The following STK10 variants were observed in gnomAD, a reference collection of about 807,000 sequenced individuals.
STK10 encodes the protein serine/threonine kinase 10.
Under a neutral mutation model 113.8 loss-of-function variants are expected in STK10, and 78 were observed. The observed-to-expected ratio is 0.69, with a 90% CI of 0.57 to 0.83. The LOEUF (loss-of-function observed/expected upper bound fraction) is 0.83. Ranked by LOEUF, STK10 falls within the 40% of genes least tolerant of loss-of-function variation. The probability of loss-of-function intolerance (pLI) is 0.00; values close to 1 mark genes in which losing one functional copy is unlikely to be tolerated. For missense variants in STK10, 1,109 were observed against 1,280.1 expected, an observed-to-expected ratio of 0.87 and a Z score of 2.04; for synonymous variants, 465 against 494.7, an observed-to-expected ratio of 0.94 and a Z score of 0.80.
intron 1 of STK10, among the ~76,000 whole-genome samples, chr5:172,176,634 A>T (rs1286128574): frequency 6.6e-6 from 1 of 152,120 alleles, no homozygotes. Flanking sequence ...CTAATGTTAC[A>T]TGGGCTGACC....
intron 7 of STK10, among the ~76,000 whole-genome samples, chr5:172,099,952 TAGG>T (rs1768945210): frequency 6.6e-6 from 1 of 152,034 alleles, no homozygotes; most frequent in African/African-American, 2.4e-5. Flanking sequence ...CCAGCGTCCT[TAGG>T]AGGAGGAAGG....
chr5:172,147,739 C>T (rs573595170), intron 2 of STK10, among the ~76,000 whole-genome samples: 68 of 152,262 alleles, frequency 4.5e-4, no homozygotes, highest in Admixed American at 1.7e-3. Context: ...CTATAAGACC[C>T]CTCTGGAATC....
intron 13 of STK10, chr5:172,063,396 G>C (rs940074745): frequency 1.3e-5 from 2 of 152,102 alleles, no homozygotes; most frequent in African/African-American, 4.8e-5. Flanking sequence ...AAACAACAGG[G>C]TGTCTCTAGG....
At position 172,082,415 on chromosome 5, in the gene STK10, G is replaced by C. The variant is rs761809175; in HGVS notation, c.1900C>G (p.Arg634Gly). 2 of 1,610,802 alleles carry C rather than the reference G, an allele frequency of 1.2e-6. No individual in the cohort carries two copies. The highest frequency in any genetic ancestry group is 1.7e-6 in the Non-Finnish European group (2 of 1,178,574). Residue 634 changes from arginine (R) to glycine (G), a missense_variant, in exon 12 of 19, where the codon CGC becomes GGC. Physicochemically the swap from Arg to Gly is moderately radical, Grantham distance 125. Coordinates refer to ENST00000176763, the MANE Select transcript of STK10 (RefSeq NM_005990.4). The surrounding 1 kb of genome is among the most constrained non-coding windows in gnomAD (Gnocchi z 4.3). ...VEKMEQDHAV[R>G]RREEARRIRL... ...ATCCGCCTGGCCTCCTCCCGGCGGC[G>C]CACGGCATGGTCTTGCTCCATCTTC...
intron 15 of STK10, 158 bp downstream of exon 15, chr5:172,057,191 G>T: frequency 9.7e-7 from 1 of 1,035,416 alleles, no homozygotes; most frequent in Non-Finnish European, 1.4e-6. Context: ...CGCCCCTGGA[G>T]AACCTCCTGG....
intron 7 of STK10, among the ~76,000 whole-genome samples, chr5:172,100,713 G>A (rs1191461700): frequency 6.6e-6 from 1 of 152,116 alleles, no homozygotes; most frequent in Non-Finnish European, 1.5e-5. Flanking sequence ...CTTGAACCCA[G>A]GAGGCGGAGA....
rs576346631 is a variant in STK10, at chr5:172,082,983, T to C, written c.1787A>G (p.Lys596Arg). 6.2e-7 allele frequency: 1 copy of C among 1,613,752 alleles called. No individual in the cohort carries two copies. ...CACGTTGATTTCCTGTTCAAAACGT[T>C]TATGCATTTGCTCCAGCTGCAGCTC... ...KHELQLEQMHKRFEQEINAKK... is the reference protein window; with the variant it reads ...KHELQLEQMHRRFEQEINAKK... Residue 596 changes from lysine (K) to arginine (R), a missense_variant, in exon 11 of 19, where the codon AAA becomes AGA. Physicochemically the swap from Lys to Arg is conservative, Grantham distance 26 (BLOSUM62 2). Coordinates refer to ENST00000176763, the MANE Select transcript of STK10 (RefSeq NM_005990.4). This position sits in a 1 kb window ranked among gnomAD's most constrained non-coding sequence, Gnocchi z 4.3.
At chr5:172,165,189 A>C (rs983210495) in intron 1 of STK10, among the ~76,000 whole-genome samples, 8 of 150,102 alleles carry the variant, frequency 5.3e-5, no homozygotes, top group African/African-American at 1.7e-4. Flanking sequence ...CTGCCCACTG[A>C]TCAGTGTGTT....
chr5:172,137,451 T>TA (rs372964251), intron 2 of STK10, among the ~76,000 whole-genome samples: 26 of 149,764 alleles, frequency 1.7e-4, no homozygotes, highest in South Asian at 1.3e-3. Context: ...TGAAAGGAGA[T>TA]AAAAAAAAAC....
At chr5:172,153,593 T>G (rs1770290774) in intron 2 of STK10, among the ~76,000 whole-genome samples, 1 of 152,210 alleles carries the variant, frequency 6.6e-6, no homozygotes, top group East Asian at 1.9e-4. Flanking sequence ...CCTAAGACAC[T>G]TGGGGAACAG....
At chr5:172,067,955 A>G (rs750934340) in intron 12 of STK10, among the ~76,000 whole-genome samples, 10 of 152,226 alleles carry the variant, frequency 6.6e-5, no homozygotes, top group Admixed American at 6.5e-4. Context: ...GAAATGTGAC[A>G]TATTAACACA....
At chr5:172,088,285 G>C (rs1768616253) in intron 10 of STK10, among the ~76,000 whole-genome samples, 2 of 152,158 alleles carry the variant, frequency 1.3e-5, no homozygotes, top group African/African-American at 4.8e-5. Flanking sequence ...CAGCACTTTG[G>C]GAGGCCGAGG....
intron 1 of STK10, among the ~76,000 whole-genome samples, chr5:172,179,836 A>G (rs1347511814): frequency 1.3e-5 from 2 of 152,228 alleles, no homozygotes; most frequent in African/African-American, 4.8e-5. Context: ...CTTTCAAACT[A>G]GTAGGCAGGA....
At chr5:172,101,975 G>C (rs576298273) in intron 7 of STK10, among the ~76,000 whole-genome samples, 3 of 151,762 alleles carry the variant, frequency 2.0e-5, no homozygotes, top group South Asian at 2.1e-4. Context: ...GGGTGGGGGG[G>C]GCGGATCACA....
In STK10 at chr5:172,090,352, A is replaced by C. The variant is rs759952036; in HGVS notation, c.1565T>G (p.Leu522Arg). ...MGSLSIKDPK[L>R]YKKTLKRTRK... Reference sequence around the variant, plus strand: ...TGTCCGCTTGAGGGTTTTTTTGTACAGTTTCGGGTCCTGGCCAGGGAAAAC... The same window carrying C: ...TGTCCGCTTGAGGGTTTTTTTGTACCGTTTCGGGTCCTGGCCAGGGAAAAC... Residue 522 changes from leucine to arginine, a missense_variant, in exon 10 of 19, where the codon CTG becomes CGG. Transcript: ENST00000176763. 1 of 1,613,664 alleles carries C rather than the reference A, an allele frequency of 6.2e-7. No homozygotes were observed. Among genetic ancestry groups the C allele is most frequent in the Admixed American group, 1.7e-5 (1 of 59,962 alleles).
intron 14 of STK10, among the ~76,000 whole-genome samples, chr5:172,059,360 G>C (rs1440548456): frequency 6.6e-6 from 1 of 151,070 alleles, no homozygotes; most frequent in East Asian, 1.9e-4. Context: ...GGGAGGTGGA[G>C]GTTGCAGTGA....
Position 172,106,685 on chromosome 5 carries a change from G to A in STK10, c.723C>T (p.Asn241=). ...CGATCTTTAGCAGGACCCGCATGGG[G>A]TTGAGCTCGTGGTGTGGCGGCTCGA... ...AQIEPPHHEL[N]PMRVLLKIAK... Residue 241 remains asparagine, a synonymous_variant, in exon 6 of 19, where the codon AAC becomes AAT. Coordinates refer to ENST00000176763, the MANE Select transcript of STK10 (RefSeq NM_005990.4). 1 of 1,614,060 alleles carries A rather than the reference G, an allele frequency of 6.2e-7. No homozygotes were observed. Among genetic ancestry groups the A allele is most frequent in the Non-Finnish European group, 8.5e-7 (1 of 1,180,042 alleles).
intron 1 of STK10, among the ~76,000 whole-genome samples, chr5:172,169,852 C>T (rs1770633874): frequency 6.6e-6 from 1 of 152,156 alleles, no homozygotes; most frequent in South Asian, 2.1e-4. Flanking sequence ...CAGCGCAGGA[C>T]CTAAGCTCAA....
intron 2 of STK10, 75 bp downstream of exon 2, chr5:172,156,549 G>A (rs1029941905): frequency 4.3e-5 from 65 of 1,506,382 alleles, no homozygotes; most frequent in Non-Finnish European, 5.3e-5. Context: ...AAGAGCTGAA[G>A]ACTTCAGGAC....
Sources: allele counts gnomAD v4.1 joint callset (sites outside exome capture counted in the v4.1 genomes callset), GRCh38; gene constraint gnomAD v4.1.1; non-coding constraint Gnocchi (gnomAD v3.1); transcripts MANE v1.5; gene names NCBI Gene and HGNC (gene_info 2026-07-23, HGNC 2026-07-21).